Variants in MRPS9 observed in about 807,000 individuals in gnomAD.
MRPS9 encodes the protein small ribosomal subunit protein uS9m.
MRPS9 carries 45 observed loss-of-function variants against 59.9 expected under a neutral mutation model. The ratio of observed to expected loss-of-function variants is 0.75; its 90% confidence interval spans 0.59 to 0.96. The LOEUF is 0.96. Ranked by LOEUF, MRPS9 falls within the 40% of genes least tolerant of loss-of-function variation. MRPS9 has a pLI of 0.00. For missense variants in MRPS9, 473 were observed against 481.1 expected (o/e 0.98, Z 0.16); for synonymous variants, 171 against 166.8 (o/e 1.03, Z -0.19).
chr2:105,080,798 C>T (rs1387399288), intron 5 of MRPS9, among the ~76,000 whole-genome samples: 1 of 152,090 alleles, frequency 6.6e-6, no homozygotes, highest in African/African-American at 2.4e-5. Flanking sequence ...ATTGCAGTGG[C>T]TTGAATCAGT....
At position 105,092,931 on chromosome 2, in the gene MRPS9, G is replaced by C. The variant is rs144815492; in HGVS notation, c.820+362G>C. On this transcript the variant is annotated intron_variant, in intron 8 of 10. Coordinates refer to ENST00000258455, the MANE Select transcript of MRPS9 (RefSeq NM_182640.3). ...TGCTCAATGAATCTGCATATCAAAT[G>C]CCAAAACTATGTAATGTGAAAACTT... Among the ~76,000 whole-genome samples, 4 of 152,140 alleles carry C rather than the reference G, an allele frequency of 2.6e-5. No individual in the cohort carries two copies. The East Asian group carries it at 7.7e-4, about 29-fold the overall frequency.
At chr2:105,077,925 G>A (rs544497609) in intron 4 of MRPS9, among the ~76,000 whole-genome samples, 1 of 152,010 alleles carries the variant, frequency 6.6e-6, no homozygotes, top group East Asian at 1.9e-4. Flanking sequence ...TTAAAGTTTT[G>A]GCACAACTTT....
At chr2:105,086,711 C>T (rs1465228264) in intron 5 of MRPS9, among the ~76,000 whole-genome samples, 4 of 152,180 alleles carry the variant, frequency 2.6e-5, no homozygotes, top group African/African-American at 7.2e-5. Flanking sequence ...ACTCTGGACG[C>T]GGCAGCTGAG....
At chr2:105,098,424 C>T (rs1386261745) in intron 10 of MRPS9, among the ~76,000 whole-genome samples, 1 of 152,196 alleles carries the variant, frequency 6.6e-6, no homozygotes, top group Non-Finnish European at 1.5e-5. Flanking sequence ...AATAAAAACA[C>T]TACCTATGGC....
Position 105,049,341 on chromosome 2 carries a change from A to G in MRPS9, c.306A>G (p.Glu102=). 6.2e-7 allele frequency: 1 copy of G among 1,610,370 alleles called. No homozygotes were observed. The highest frequency in any genetic ancestry group is 1.3e-5 in the African/African-American group (1 of 74,676). The change falls in exon 2 of 11, where the codon GAA becomes GAG. Residue 102 remains glutamate (E), a synonymous_variant. Transcript: ENST00000258455. ...MGEDPETFTQ[E]DIDRAIAYLF... Reference sequence around the variant, plus strand: ...AAGATCCAGAAACTTTCACTCAAGAAGATATTGACGTAAGTACAGTTACTC... The same window carrying G: ...AAGATCCAGAAACTTTCACTCAAGAGGATATTGACGTAAGTACAGTTACTC...
At chr2:105,050,272 T>G (rs1416550089) in intron 2 of MRPS9, among the ~76,000 whole-genome samples, 1 of 152,206 alleles carries the variant, frequency 6.6e-6, no homozygotes, top group Non-Finnish European at 1.5e-5. Flanking sequence ...CCTGAGTAGC[T>G]GGGCTTACAG....
In MRPS9 at chr2:105,071,546, G is replaced by C. The variant is rs1293905086; in HGVS notation, c.409+57G>C. 3 of 1,531,172 alleles carry C rather than the reference G, an allele frequency of 2.0e-6. No individual in the cohort carries two copies. The East Asian group carries it at 6.8e-5, about 35-fold the overall frequency. The allele number at this position is 1,531,172 out of a possible 1,614,324, so 94.8% of individuals were successfully genotyped here. A position where few individuals can be genotyped will look rare whatever the true frequency, so the allele number is the denominator to read the frequency against. ...TTTTCTTTACCGTATTCCGGTGTTA[G>C]GTTATGTATCAGCGGTTGCTCACAT... On this transcript the variant is annotated intron_variant, in intron 4 of 10. Coordinates refer to ENST00000258455, the MANE Select transcript of MRPS9 (RefSeq NM_182640.3).
At chr2:105,084,651 G>A (rs575014556) in intron 5 of MRPS9, among the ~76,000 whole-genome samples, 1 of 152,260 alleles carries the variant, frequency 6.6e-6, no homozygotes, top group South Asian at 2.1e-4. Flanking sequence ...TCGCAGTGAG[G>A]TGTCGTGAAA....
intron 1 of MRPS9, among the ~76,000 whole-genome samples, chr2:105,042,615 T>G (rs1019619140): frequency 6.6e-6 from 1 of 152,244 alleles, no homozygotes; most frequent in African/African-American, 2.4e-5. Context: ...CACATGTGGG[T>G]ACATCTGAAC....
chr2:105,059,872 G>A (rs2104447365), intron 2 of MRPS9, among the ~76,000 whole-genome samples: 1 of 152,096 alleles, frequency 6.6e-6, no homozygotes, highest in East Asian at 1.9e-4. Context: ...GAACAGATAG[G>A]TTAACATTAA....
chr2:105,066,850 T>C (rs1201743632), intron 2 of MRPS9, among the ~76,000 whole-genome samples: 1 of 152,210 alleles, frequency 6.6e-6, no homozygotes, highest in Non-Finnish European at 1.5e-5. Flanking sequence ...GTGTTGGCTT[T>C]GCTGAGACAG....
intron 1 of MRPS9, among the ~76,000 whole-genome samples, chr2:105,039,246 T>C (rs1203269769): frequency 2.6e-5 from 4 of 152,002 alleles, no homozygotes; most frequent in Admixed American, 6.6e-5. Context: ...AAAAACATCT[T>C]TTTGTATGTT....
At chr2:105,060,834 G>A (rs73945021) in intron 2 of MRPS9, among the ~76,000 whole-genome samples, 33,434 of 151,454 alleles carry the variant, frequency 0.22, 3,762 homozygotes, top group Middle Eastern at 0.35. Flanking sequence ...ATATCGTGCC[G>A]GGTGCGGTGG....
chr2:105,056,190 CTTTT>C (rs34661850), intron 2 of MRPS9, among the ~76,000 whole-genome samples: 2 of 135,662 alleles, frequency 1.5e-5, no homozygotes, highest in Non-Finnish European at 3.2e-5. Context: ...GGATAGGTAT[CTTTT>C]TTTTTTTTTT....
At position 105,092,581 on chromosome 2, in the gene MRPS9, C is replaced by T. The variant is rs1434679215; in HGVS notation, c.820+12C>T. 4.0e-6 allele frequency: 6 copies of T among 1,509,700 alleles called. No individual in the cohort carries two copies. The allele number at this position is 1,509,700 out of a possible 1,614,324, so 93.5% of individuals were successfully genotyped here. ...TAGCAAAAGTGAAGGTAATGACATT[C>T]TGTGGAGAGAAAATAAATTCAGTGA... On this transcript the variant is annotated intron_variant, in intron 8 of 10. Transcript: ENST00000258455.
At chr2:105,073,192 C>T (rs1339803202) in intron 4 of MRPS9, among the ~76,000 whole-genome samples, 1 of 151,972 alleles carries the variant, frequency 6.6e-6, no homozygotes, top group South Asian at 2.1e-4. Flanking sequence ...TATATCTCTA[C>T]TAGTTGCATC....
chr2:105,056,056 A>G (rs1286732832), intron 2 of MRPS9, among the ~76,000 whole-genome samples: 1 of 152,146 alleles, frequency 6.6e-6, no homozygotes, highest in Non-Finnish European at 1.5e-5. Context: ...AGGGAAACCT[A>G]TTTTTAAGTG....
chr2:105,092,511 A>G lies in MRPS9; in HGVS notation c.762A>G (p.Lys254=). The part of the protein sequence containing the change: ...FRRSVTLESK[K]QLIEPVQYDE... ...GAAGTGTAACTCTTGAATCAAAAAAACAGCTGATTGAACCTGTACAGTATG... is the reference window on the plus strand; with the variant it reads ...GAAGTGTAACTCTTGAATCAAAAAAGCAGCTGATTGAACCTGTACAGTATG... Residue 254 remains lysine, a synonymous_variant, in exon 8 of 11, where the codon AAA becomes AAG. Coordinates refer to ENST00000258455, the MANE Select transcript of MRPS9 (RefSeq NM_182640.3). The G allele has an allele frequency of 6.2e-7, 1 of 1,614,024 alleles. No homozygotes were observed. The highest frequency in any genetic ancestry group is 1.1e-5 in the South Asian group (1 of 91,062).
intron 1 of MRPS9, among the ~76,000 whole-genome samples, chr2:105,045,172 A>G (rs1344418620): frequency 6.6e-6 from 1 of 152,170 alleles, no homozygotes; most frequent in Non-Finnish European, 1.5e-5. Context: ...TGTGGCTGAA[A>G]AAGAGCTGAA....
Sources: allele counts gnomAD v4.1 joint callset (sites outside exome capture counted in the v4.1 genomes callset), GRCh38; gene constraint gnomAD v4.1.1; transcripts MANE v1.5; gene names NCBI Gene and HGNC (gene_info 2026-07-23, HGNC 2026-07-21).